The following LIN7A variants were observed in gnomAD, a reference collection of about 807,000 sequenced individuals.
LIN7A encodes protein lin-7 homolog A.
In LIN7A, 25 loss-of-function variants were observed where a neutral mutation model predicts 29.8. The observed-to-expected ratio is 0.84, with a 90% CI of 0.61 to 1.17. The LOEUF is 1.17. Ranked by LOEUF, LIN7A falls within the 50% of genes most tolerant of loss-of-function variation. LIN7A has a pLI of 0.00. For synonymous variants in LIN7A, 118 were observed against 107.5 expected (o/e 1.10, Z -0.60); for missense variants, 239 against 287.0 (o/e 0.83, Z 1.21).
intron 4 of LIN7A, among the ~76,000 whole-genome samples, chr12:80,821,947 T>A (rs1871828552): frequency 6.6e-6 from 1 of 152,226 alleles, no homozygotes; most frequent in South Asian, 2.1e-4. Flanking sequence ...AGGCCAGACG[T>A]GTGTGCACTC....
At position 80,842,687 on chromosome 12, in the gene LIN7A, T is replaced by C. The variant is rs1592885736; in HGVS notation, c.483+3043A>G. Among the ~76,000 whole-genome samples, 3 of 152,222 alleles carry C rather than the reference T, an allele frequency of 2.0e-5. No individual in the cohort carries two copies. The South Asian group carries it at 6.2e-4, about 32-fold the overall frequency. On this transcript the variant is annotated intron_variant, in intron 4 of 5. Transcript: ENST00000552864. ...GAATTATTTACACTGATAAAACCTC[T>C]GGGCTCAGTGTTTGTTAGAAGCCCA...
At chr12:80,807,068 T>TTTTTGTTTTTTTTTTTTTTTTTTTG (rs1555221338) in intron 5 of LIN7A, among the ~76,000 whole-genome samples, 1 of 84,996 alleles carries the variant, frequency 1.2e-5, no homozygotes, top group Non-Finnish European at 2.2e-5. Context: ...ATGGAGTTTT[T>TTTTTGTTTTTTTTTTTTTTTTTTTG]TTTTTTTTTT....
At chr12:80,927,149 CTTTTTCTTTTTT>C (rs1877633788) in intron 1 of LIN7A, among the ~76,000 whole-genome samples, 1 of 118,396 alleles carries the variant, frequency 8.4e-6, no homozygotes, top group African/African-American at 3.1e-5. Flanking sequence ...ATTTTCTTTT[CTTTTTCTTTTTT>C]TTTTTTTTTT....
intron 3 of LIN7A, 92 bp from the exon 4 acceptor site, chr12:80,846,031 T>C (rs1873062094): frequency 7.3e-6 from 8 of 1,098,650 alleles, no homozygotes; most frequent in Non-Finnish European, 1.0e-5. Flanking sequence ...TCAGGCAACT[T>C]CTCATATTTT....
chr12:80,857,056 T>C (rs1314701882), intron 2 of LIN7A, among the ~76,000 whole-genome samples: 2 of 152,110 alleles, frequency 1.3e-5, no homozygotes, highest in Non-Finnish European at 2.9e-5. Flanking sequence ...GCTTTACTAG[T>C]GGTATTGATA....
At chr12:80,934,929 T>G (rs1207054152) in intron 1 of LIN7A, among the ~76,000 whole-genome samples, 1 of 152,186 alleles carries the variant, frequency 6.6e-6, no homozygotes, top group East Asian at 1.9e-4. Flanking sequence ...AGTGAGCTAT[T>G]GTTACTGACG....
At chr12:80,838,380 C>T (rs1872673094) in intron 4 of LIN7A, among the ~76,000 whole-genome samples, 1 of 152,170 alleles carries the variant, frequency 6.6e-6, no homozygotes, top group Admixed American at 6.6e-5. Context: ...CGATATTTCC[C>T]TGTTCTGCTT....
intron 2 of LIN7A, among the ~76,000 whole-genome samples, chr12:80,869,345 C>T (rs990562766): frequency 6.6e-6 from 1 of 152,042 alleles, no homozygotes; most frequent in Non-Finnish European, 1.5e-5. Flanking sequence ...TGAGAAGATT[C>T]TGTAGTGTGG....
intron 4 of LIN7A, among the ~76,000 whole-genome samples, chr12:80,824,785 G>T (rs956739607): frequency 6.6e-6 from 1 of 152,170 alleles, no homozygotes; most frequent in Admixed American, 6.5e-5. Flanking sequence ...CTCAATAGAT[G>T]CAGAAAAAGC....
chr12:80,935,055 T>C (rs566709253), intron 1 of LIN7A, among the ~76,000 whole-genome samples: 1 of 152,328 alleles, frequency 6.6e-6, no homozygotes. Flanking sequence ...CTCAGTTCAC[T>C]AGGAAATCAC....
intron 4 of LIN7A, among the ~76,000 whole-genome samples, chr12:80,836,207 A>G (rs777434160): frequency 6.6e-6 from 1 of 152,222 alleles, no homozygotes; most frequent in Non-Finnish European, 1.5e-5. Flanking sequence ...CCCACTATGT[A>G]TACTTTAGTC....
chr12:80,867,689 T>G (rs530757608), intron 2 of LIN7A, among the ~76,000 whole-genome samples: 1 of 152,238 alleles, frequency 6.6e-6, no homozygotes, highest in African/African-American at 2.4e-5. Flanking sequence ...GATGACAGGG[T>G]TCAGAGGAAT....
intron 1 of LIN7A, among the ~76,000 whole-genome samples, chr12:80,906,830 G>GA (rs985647532): frequency 1.3e-5 from 2 of 151,718 alleles, no homozygotes; most frequent in Non-Finnish European, 2.9e-5. Flanking sequence ...ATGAAAATCG[G>GA]AAAAAAACAA....
chr12:80,921,699 GC>G (rs1244273148), intron 1 of LIN7A, among the ~76,000 whole-genome samples: 5 of 152,030 alleles, frequency 3.3e-5, no homozygotes, highest in African/African-American at 1.2e-4. Context: ...AGGGGCTAGG[GC>G]TTCAACATAT....
At position 80,917,427 on chromosome 12, in the gene LIN7A, T is replaced by C. The variant is rs1281524723; in HGVS notation, c.82+20214A>G. Among the ~76,000 whole-genome samples, 3 of 152,198 alleles carry C rather than the reference T, an allele frequency of 2.0e-5. No individual in the cohort carries two copies. The East Asian group carries it at 5.8e-4, about 29-fold the overall frequency. On this transcript the variant is annotated intron_variant, in intron 1 of 5. Transcript: ENST00000552864. ...GTTTTAATACTTAACTCACAATAGC[T>C]TCCTTTTAAGTTCAAAAGCCATTTC... is the stretch of plus-strand genomic sequence containing the variant.
intron 4 of LIN7A, among the ~76,000 whole-genome samples, chr12:80,820,607 T>G (rs952651657): frequency 7.1e-6 from 1 of 141,414 alleles, no homozygotes; most frequent in South Asian, 2.2e-4. Context: ...AAAGTCCTGA[T>G]GGTTGTTGGA....
At chr12:80,904,934 CAA>C (rs1166944032) in intron 1 of LIN7A, among the ~76,000 whole-genome samples, 4 of 151,828 alleles carry the variant, frequency 2.6e-5, no homozygotes, top group Admixed American at 6.6e-5. Context: ...CATTTTTTTT[CAA>C]AGATTCAGCA....
intron 5 of LIN7A, among the ~76,000 whole-genome samples, chr12:80,803,899 G>T (rs1030330209): frequency 4.6e-5 from 7 of 152,154 alleles, no homozygotes; most frequent in Non-Finnish European, 8.8e-5. Flanking sequence ...TCACAAATAT[G>T]TCTGTGAAGT....
intron 4 of LIN7A, among the ~76,000 whole-genome samples, chr12:80,841,300 GA>G (rs910109497): frequency 1.4e-5 from 2 of 139,898 alleles, no homozygotes; most frequent in African/African-American, 5.3e-5. Context: ...AAGAAAGAAA[GA>G]AAAAAGAAAA....
Sources: allele counts gnomAD v4.1 joint callset (sites outside exome capture counted in the v4.1 genomes callset), GRCh38; gene constraint gnomAD v4.1.1; transcripts MANE v1.5; gene names NCBI Gene and HGNC (gene_info 2026-07-23, HGNC 2026-07-21).